Variants in RFX2 observed in about 807,000 individuals in gnomAD.
RFX2 encodes DNA-binding protein RFX2.
RFX2 carries 20 observed loss-of-function variants against 87.8 expected under a neutral mutation model. The ratio of observed to expected loss-of-function variants is 0.23; its 90% CI spans 0.16 to 0.33. RFX2 has a LOEUF of 0.33. Ranked by LOEUF, RFX2 falls within the 10% of genes least tolerant of loss-of-function variation. RFX2 has a pLI of 1.00. For synonymous variants in RFX2, 397 were observed against 431.3 expected, an observed-to-expected ratio of 0.92 and a Z score of 0.98; for missense variants, 767 against 1,012.3, an observed-to-expected ratio of 0.76 and a Z score of 3.29.
intron 1 of RFX2, among the ~76,000 whole-genome samples, chr19:6,100,626 C>A (rs1039167466): frequency 4.0e-5 from 6 of 151,880 alleles, no homozygotes; most frequent in Non-Finnish European, 7.4e-5. Flanking sequence ...CCACGTAAAT[C>A]GGAGGAAGGT....
chr19:6,081,462 A>C (rs966350834), intron 1 of RFX2, among the ~76,000 whole-genome samples: 1 of 152,278 alleles, frequency 6.6e-6, no homozygotes, highest in Non-Finnish European at 1.5e-5. Context: ...ATAATTAAGC[A>C]TTTAGTTAAC....
chr19:6,007,182 G>C lies in RFX2; in HGVS notation c.1248-16C>G. ...GTCTTCGTCACTGTGGAGGGAGGGG[G>C]GACAGGTGAGCTGTGGCCTGGCCCA... On this transcript the variant is annotated splice_polypyrimidine_tract_variant and intron_variant, in intron 11 of 17. Transcript: ENST00000303657. This position sits in a 1 kb window ranked among gnomAD's most constrained non-coding sequence, Gnocchi z 8.2. 1 of 1,611,020 alleles carries C rather than the reference G, an allele frequency of 6.2e-7. No individual in the cohort carries two copies. Among genetic ancestry groups the C allele is most frequent in the South Asian group, 1.1e-5 (1 of 90,876 alleles).
chr19:6,055,570 C>T (rs111587572), intron 1 of RFX2, among the ~76,000 whole-genome samples: 3,470 of 152,196 alleles, frequency 0.023, 139 homozygotes, highest in African/African-American at 0.08. Flanking sequence ...ACTACAGGCA[C>T]GCAGCACCAT....
At chr19:6,106,715 T>C (rs1469907673) in intron 1 of RFX2, among the ~76,000 whole-genome samples, 1 of 151,976 alleles carries the variant, frequency 6.6e-6, no homozygotes, top group Non-Finnish European at 1.5e-5. Context: ...AAAAGTTTCC[T>C]ATTTTACAAG....
chr19:6,039,955 C>A lies in RFX2; in HGVS notation c.522+25G>T. ...TCGAGAATACTCATGGCCTACCCTG[C>A]TGGTCCCAAGAGCCTCCTACATACC... On this transcript the variant is annotated intron_variant, in intron 5 of 17. Coordinates refer to ENST00000303657, the MANE Select transcript of RFX2 (RefSeq NM_000635.4). This position sits in a 1 kb window ranked among gnomAD's most constrained non-coding sequence, Gnocchi z 5.2. 6.5e-7 allele frequency: 1 copy of A among 1,527,888 alleles called. No individual in the cohort carries two copies. Among genetic ancestry groups the A allele is most frequent in the Admixed American group, 2.0e-5 (1 of 51,148 alleles). The allele number at this position is 1,527,888 out of a possible 1,614,324, so 94.6% of individuals were successfully genotyped here. A position where few individuals can be genotyped will look rare whatever the true frequency, so the allele number is the denominator to read the frequency against.
chr19:6,077,540 T>C (rs569166170), intron 1 of RFX2, among the ~76,000 whole-genome samples: 1 of 152,308 alleles, frequency 6.6e-6, no homozygotes, highest in East Asian at 1.9e-4. Context: ...TGGGGTCTTT[T>C]TCCCCTCCTC....
chr19:6,042,001 C>T (rs772237565), intron 4 of RFX2, 43 bp downstream of exon 4: 6 of 1,554,678 alleles, frequency 3.9e-6, no homozygotes, highest in Non-Finnish European at 5.3e-6. Flanking sequence ...AGGCTGGAGT[C>T]AGGGAGAGGG....
Position 6,004,387 on chromosome 19 carries a change from G to A in RFX2, c.1403-89C>T. On this transcript the variant is annotated intron_variant, in intron 12 of 17. Transcript: ENST00000303657. The surrounding 1 kb of genome is among the most constrained non-coding windows in gnomAD (Gnocchi z 4.8). ...ATTCAGTGTAAGAGCTGGCCCAAGTGCGATGAAAATGACCACCATGAAGAA... is the reference window on the plus strand; with the variant it reads ...ATTCAGTGTAAGAGCTGGCCCAAGTACGATGAAAATGACCACCATGAAGAA... 3.6e-6 allele frequency: 4 copies of A among 1,100,054 alleles called. No homozygotes were observed. Among genetic ancestry groups the A allele is most frequent in the South Asian group, 2.5e-5 (2 of 79,962 alleles). 68.1% of individuals were successfully genotyped at this position (1,100,054 alleles called of 1,614,324 possible).
At position 6,000,076 on chromosome 19, in the gene RFX2, C is replaced by T. The variant is rs10420659; in HGVS notation, c.1859+1739G>A. ...CTTGGCTCATTGCAACCTCTGCCTC[C>T]CGGATTCAAGTGATTCTCCTGCTGC... is the stretch of plus-strand genomic sequence containing the variant. On this transcript the variant is annotated intron_variant, in intron 15 of 17. Coordinates refer to ENST00000303657, the MANE Select transcript of RFX2 (RefSeq NM_000635.4). 8.9e-3 allele frequency among the ~76,000 whole-genome samples: 1,359 copies of T among 152,082 alleles called. 17 individuals are homozygous for T. Among genetic ancestry groups the T allele is most frequent in the Middle Eastern group, 0.088 (26 of 294 alleles).
intron 5 of RFX2, among the ~76,000 whole-genome samples, chr19:6,028,090 T>G (rs1216474005): frequency 6.6e-6 from 1 of 152,136 alleles, no homozygotes; most frequent in Non-Finnish European, 1.5e-5. Flanking sequence ...TTAAATGTAT[T>G]ATTTCCCTTA....
intron 1 of RFX2, chr19:6,073,204 T>C: frequency 3.8e-6 from 2 of 522,882 alleles, no homozygotes; most frequent in South Asian, 1.8e-5. Context: ...GGTCTCAAAC[T>C]CCTGACCTCA....
At chr19:6,097,868 C>G (rs895498815) in intron 1 of RFX2, among the ~76,000 whole-genome samples, 4 of 152,140 alleles carry the variant, frequency 2.6e-5, no homozygotes, top group African/African-American at 9.7e-5. Context: ...CAGGCATGAG[C>G]CACTGTGCCA....
chr19:6,001,748 C>T lies in RFX2; in HGVS notation c.1859+67G>A, dbSNP rs2086492182. On this transcript the variant is annotated intron_variant, in intron 15 of 17. Transcript: ENST00000303657. This position sits in a 1 kb window ranked among gnomAD's most constrained non-coding sequence, Gnocchi z 5.6. The stretch of plus-strand genomic sequence containing the variant: ...CTGAGCTCACCAGCCGAGCCCCCTA[C>T]CCTCTAGAAGTTTCTCTCAGAGCCC... The T allele has an allele frequency of 2.1e-6, 3 of 1,402,462 alleles. No homozygotes were observed. The highest frequency in any genetic ancestry group is 2.9e-6 in the Non-Finnish European group (3 of 1,024,316). 86.9% of individuals were successfully genotyped at this position (1,402,462 alleles called of 1,614,324 possible).
In RFX2 at chr19:6,101,344, CTGTATGTATT is replaced by C. The variant is rs553535673; in HGVS notation, c.-9+9039_-9+9048del. On this transcript the variant is annotated intron_variant, in intron 1 of 17. Coordinates refer to ENST00000303657, the MANE Select transcript of RFX2 (RefSeq NM_000635.4). This position sits in a 1 kb window ranked among gnomAD's most constrained non-coding sequence, Gnocchi z 4.9. ...TTTTCTCAAGGCAGGCTACATCTGT[CTGTATGTATT>C]CTGAGAAGGACAGGAGAGGTGGGAA... Among the ~76,000 whole-genome samples the C allele has an allele frequency of 5.3e-5, 8 of 152,274 alleles. No homozygotes were observed. The East Asian group carries it at 1.2e-3, about 22-fold the overall frequency.
chr19:6,025,981 C>T (rs1327453407), intron 6 of RFX2, among the ~76,000 whole-genome samples, 182 bp downstream of exon 6: 2 of 151,932 alleles, frequency 1.3e-5, no homozygotes, highest in African/African-American at 4.8e-5. Flanking sequence ...GACGGGGTTT[C>T]ACCATGTTGG....
intron 5 of RFX2, among the ~76,000 whole-genome samples, chr19:6,034,775 G>T (rs950811714): frequency 6.6e-6 from 1 of 152,142 alleles, no homozygotes; most frequent in East Asian, 1.9e-4. Context: ...GGGCCTCTGC[G>T]AGCCACCTCC....
chr19:6,069,405 G>A (rs2087561270), intron 1 of RFX2, among the ~76,000 whole-genome samples: 1 of 152,170 alleles, frequency 6.6e-6, no homozygotes, highest in Non-Finnish European at 1.5e-5. Context: ...AGATGACATG[G>A]CTGGAGCCAT....
rs2087183835 is a variant in RFX2 at position 6,045,940 on chromosome 19, G to C, written c.90+1467C>G. ...GACCTCAGGTGATCCACCCACCTTGGCCTCCCAAAGTGCTGGGATTACAGG... is the reference window on the plus strand; with the variant it reads ...GACCTCAGGTGATCCACCCACCTTGCCCTCCCAAAGTGCTGGGATTACAGG... On this transcript the variant is annotated intron_variant, in intron 2 of 17. Coordinates refer to ENST00000303657, the MANE Select transcript of RFX2 (RefSeq NM_000635.4). This position sits in a 1 kb window ranked among gnomAD's most constrained non-coding sequence, Gnocchi z 5.2. Among the ~76,000 whole-genome samples, 1 of 152,070 alleles carries C rather than the reference G, an allele frequency of 6.6e-6. No individual in the cohort carries two copies. The highest frequency in any genetic ancestry group is 2.1e-4 in the South Asian group (1 of 4,828).
chr19:6,073,458 G>A (rs961365767), intron 1 of RFX2: 7 of 924,996 alleles, frequency 7.6e-6, no homozygotes, highest in Admixed American at 5.9e-5. Flanking sequence ...CAAAACCATC[G>A]TGGAAAGGGC....
Sources: gnomAD v4.1 joint callset for allele counts (sites outside exome capture counted in the v4.1 genomes callset) on GRCh38, gnomAD v4.1.1 for gene constraint, Gnocchi (gnomAD v3.1) non-coding constraint, MANE v1.5 for transcripts, NCBI Gene and HGNC (gene_info 2026-07-23, HGNC 2026-07-21) for gene names.